Variants in TANC1 observed in about 807,000 individuals in gnomAD.
TANC1 encodes the protein tetratricopeptide repeat, ankyrin repeat and coiled-coil containing 1.
A neutral mutation model predicts 149.7 loss-of-function variants in TANC1; 77 were observed. That is an observed-to-expected ratio of 0.51 (90% CI 0.43 to 0.62). TANC1 has a LOEUF of 0.62. Among genes scored for constraint, TANC1 ranks in the 20% least tolerant of loss-of-function variants. The probability of loss-of-function intolerance (pLI) is 0.00; values close to 1 mark genes in which losing one functional copy is unlikely to be tolerated. For synonymous variants in TANC1, 854 were observed against 925.0 expected (o/e 0.92, Z 1.39); for missense variants, 1,985 against 2,321.8 (o/e 0.85, Z 2.98).
chr2:159,037,048 C>T (rs549423957), intron 2 of TANC1, among the ~76,000 whole-genome samples: 41 of 152,262 alleles, frequency 2.7e-4, no homozygotes, highest in African/African-American at 5.1e-4. Flanking sequence ...TAATGATCGC[C>T]GTTCTAACTG....
chr2:159,177,937 C>A (rs2056055144), intron 13 of TANC1, among the ~76,000 whole-genome samples: 1 of 152,110 alleles, frequency 6.6e-6, no homozygotes. Flanking sequence ...CATTTGTACA[C>A]AAATCATATG....
At chr2:159,037,506 T>G (rs1056844907) in intron 2 of TANC1, among the ~76,000 whole-genome samples, 6 of 152,232 alleles carry the variant, frequency 3.9e-5, no homozygotes, top group African/African-American at 1.4e-4. Flanking sequence ...ATTTAAGTCT[T>G]TAATCCATCT....
intron 3 of TANC1, among the ~76,000 whole-genome samples, chr2:159,072,041 G>A (rs866082983): frequency 2.6e-5 from 4 of 152,154 alleles, no homozygotes; most frequent in African/African-American, 9.7e-5. Flanking sequence ...AGTGCAGTGG[G>A]TGCCATCTTG....
intron 7 of TANC1, among the ~76,000 whole-genome samples, chr2:159,159,439 CAA>C (rs34576502): frequency 6.8e-4 from 63 of 92,972 alleles, no homozygotes; most frequent in Admixed American, 6.7e-4. Flanking sequence ...GACCCTGTCT[CAA>C]AAAAAAAAAA....
intron 2 of TANC1, among the ~76,000 whole-genome samples, chr2:159,017,737 T>C (rs1278980712): frequency 6.6e-6 from 1 of 151,754 alleles, no homozygotes; most frequent in African/African-American, 2.4e-5. Context: ...AGGAGAGCAT[T>C]AGGACAAATA....
intron 2 of TANC1, among the ~76,000 whole-genome samples, chr2:159,058,250 A>C (rs1174646520): frequency 1.3e-5 from 2 of 152,226 alleles, no homozygotes; most frequent in Admixed American, 1.3e-4. Context: ...ACCTACCTGC[A>C]GCCAGTGCTT....
Position 159,219,907 on chromosome 2 carries a change from G to C in TANC1, c.3678+40G>C, listed in dbSNP as rs775228847. Reference sequence around the variant, plus strand: ...GTGTTCCCCACCTCCACCTGCATTGGAAAGAAACCCCAGGAAGTGAACAGC... The same window carrying C: ...GTGTTCCCCACCTCCACCTGCATTGCAAAGAAACCCCAGGAAGTGAACAGC... On this transcript the variant is annotated intron_variant, in intron 22 of 26. Transcript: ENST00000263635. 5.0e-6 allele frequency: 8 copies of C among 1,606,690 alleles called. No homozygotes were observed. In the African/African-American group the frequency reaches 1.1e-4, roughly 22 times the overall value.
intron 5 of TANC1, among the ~76,000 whole-genome samples, chr2:159,146,865 A>G (rs984810522): frequency 6.6e-6 from 1 of 151,970 alleles, no homozygotes; most frequent in Non-Finnish European, 1.5e-5. Context: ...CAACTCAACC[A>G]TTAAAGCTGG....
chr2:159,168,299 ATTTTTT>A (rs35670582), intron 8 of TANC1, among the ~76,000 whole-genome samples: 1 of 130,370 alleles, frequency 7.7e-6, no homozygotes, highest in African/African-American at 3.0e-5. Context: ...TAGATCTTTA[ATTTTTT>A]TTTTTTTTTT....
At position 159,065,901 on chromosome 2, in the gene TANC1, A is replaced by G. The variant is rs1369834931; in HGVS notation, c.-10A>G. 1 of 1,612,970 alleles carries G rather than the reference A, an allele frequency of 6.2e-7. No homozygotes were observed. The highest frequency in any genetic ancestry group is 1.1e-5 in the South Asian group (1 of 91,048). ...TCTGTTTCTTTTCTCCTTAGAAACA[A>G]GTGTTGAAAATGTTAAAGGCTGTGC... On this transcript the variant is annotated 5_prime_UTR_variant, in exon 3 of 27. Coordinates refer to ENST00000263635, the MANE Select transcript of TANC1 (RefSeq NM_033394.3).
intron 1 of TANC1, among the ~76,000 whole-genome samples, chr2:158,988,183 G>A (rs2149260748): frequency 6.6e-6 from 1 of 152,006 alleles, no homozygotes; most frequent in Non-Finnish European, 1.5e-5. Flanking sequence ...AAATTAGCCG[G>A]TCGTGGTGGT....
chr2:159,012,785 T>A (rs933508875), intron 2 of TANC1, among the ~76,000 whole-genome samples: 1 of 152,222 alleles, frequency 6.6e-6, no homozygotes, highest in Non-Finnish European at 1.5e-5. Flanking sequence ...GACCTAAATA[T>A]AAAGCTCTAC....
At chr2:159,181,507 C>T (rs1409435492) in intron 14 of TANC1, among the ~76,000 whole-genome samples, 1 of 152,200 alleles carries the variant, frequency 6.6e-6, no homozygotes, top group East Asian at 1.9e-4. Flanking sequence ...CCGTGTTAGC[C>T]AGGATGGTCT....
rs576770793 is a variant in TANC1, at chr2:159,137,488, C to T, written c.364+1190C>T. 3.3e-5 allele frequency among the ~76,000 whole-genome samples: 5 copies of T among 152,210 alleles called. No individual in the cohort carries two copies. In the South Asian group the frequency reaches 8.3e-4, roughly 25 times the overall value. On this transcript the variant is annotated intron_variant, in intron 5 of 26. Transcript: ENST00000263635. The stretch of plus-strand genomic sequence containing the variant: ...CCCTTTTCCTTTCTGTCCAGGCACT[C>T]ATTGTGTGGTTGAGGGAAGAGGATT...
intron 3 of TANC1, among the ~76,000 whole-genome samples, chr2:159,091,367 A>G (rs2045520164): frequency 6.6e-6 from 1 of 152,262 alleles, no homozygotes; most frequent in South Asian, 2.1e-4. Context: ...TAATGCACCC[A>G]GAACCCTGTC....
chr2:159,060,761 A>C (rs2042177948), intron 2 of TANC1, among the ~76,000 whole-genome samples: 2 of 152,188 alleles, frequency 1.3e-5, no homozygotes, highest in Admixed American at 1.3e-4. Flanking sequence ...GGCACTCCAG[A>C]AGAGAAACGT....
At chr2:159,039,141 G>A (rs1287386901) in intron 2 of TANC1, among the ~76,000 whole-genome samples, 1 of 152,120 alleles carries the variant, frequency 6.6e-6, no homozygotes, top group East Asian at 1.9e-4. Context: ...TTTGCATAGA[G>A]GTGTTTATAG....
At chr2:159,045,741 A>G (rs2149556108) in intron 2 of TANC1, among the ~76,000 whole-genome samples, 1 of 152,354 alleles carries the variant, frequency 6.6e-6, no homozygotes, top group Admixed American at 6.5e-5. Flanking sequence ...TTTGAATTCC[A>G]CTGACCTGTT....
At chr2:159,025,240 T>TC (rs2039219744) in intron 2 of TANC1, among the ~76,000 whole-genome samples, 8 of 149,992 alleles carry the variant, frequency 5.3e-5, no homozygotes, top group Non-Finnish European at 8.9e-5. Context: ...TTTCTTTCTT[T>TC]TCTCCTTCCT....
Sources: gnomAD v4.1 joint callset for allele counts (sites outside exome capture counted in the v4.1 genomes callset) on GRCh38, gnomAD v4.1.1 for gene constraint, MANE v1.5 for transcripts, NCBI Gene and HGNC (gene_info 2026-07-23, HGNC 2026-07-21) for gene names.